LYPD6: variants seen among roughly 807,000 people sequenced by gnomAD.
LYPD6 encodes the protein LY6/PLAUR domain containing 6.
LYPD6 carries 15 observed loss-of-function variants against 22.7 expected under a neutral mutation model. The observed-to-expected ratio is 0.66, with a 90% CI of 0.44 to 1.02. LYPD6 has a LOEUF of 1.02. Ranked by LOEUF, LYPD6 falls within the 50% of genes least tolerant of loss-of-function variation. The pLI is 0.00. For missense variants in LYPD6, 189 were observed against 208.4 expected (o/e 0.91, Z 0.57); for synonymous variants, 72 against 77.5 (o/e 0.93, Z 0.37).
At chr2:149,408,049 A>T (rs1412936907) in intron 1 of LYPD6, among the ~76,000 whole-genome samples, 7 of 152,024 alleles carry the variant, frequency 4.6e-5, no homozygotes, top group Non-Finnish European at 7.4e-5. Flanking sequence ...AAAACCGCGG[A>T]TTTTCGTGAT....
At chr2:149,330,563 C>T (rs112631177), upstream of LYPD6, 640 of 150,886 alleles carry the variant, frequency 4.2e-3, 7 homozygotes, top group African/African-American at 0.014. Flanking sequence ...CCTAGCCGCC[C>T]CCCGCCTCTC....
chr2:149,475,929 CACAAGGGTG>C (rs1183521582), downstream of LYPD6, among the ~76,000 whole-genome samples: 1 of 152,156 alleles, frequency 6.6e-6, no homozygotes, highest in African/African-American at 2.4e-5. Context: ...ACACACATGT[CACAAGGGTG>C]ACATGCATAA....
At chr2:149,337,674 G>T (rs77902345) in intron 1 of LYPD6, among the ~76,000 whole-genome samples, 283 of 152,192 alleles carry the variant, frequency 1.9e-3, no homozygotes, top group African/African-American at 6.5e-3. Flanking sequence ...ACATACACAG[G>T]TTTGTTAGAT....
chr2:149,375,783 TGGAAGG>T (rs1681906936), intron 1 of LYPD6, among the ~76,000 whole-genome samples: 1 of 152,114 alleles, frequency 6.6e-6, no homozygotes, highest in South Asian at 2.1e-4. Context: ...GTTTGACAGG[TGGAAGG>T]GGGAATTCCA....
intron 1 of LYPD6, among the ~76,000 whole-genome samples, chr2:149,346,613 G>A (rs1412785484): frequency 1.3e-5 from 2 of 152,172 alleles, no homozygotes; most frequent in Non-Finnish European, 2.9e-5. Context: ...ATGTTTTATA[G>A]GTAACACTCT....
chr2:149,334,140 T>G (rs1368627699), intron 1 of LYPD6, among the ~76,000 whole-genome samples: 2 of 152,018 alleles, frequency 1.3e-5, no homozygotes, highest in Non-Finnish European at 2.9e-5. Flanking sequence ...AAAGCTTACC[T>G]GGATACATGT....
At chr2:149,376,748 G>A (rs899434104) in intron 1 of LYPD6, among the ~76,000 whole-genome samples, 1 of 152,100 alleles carries the variant, frequency 6.6e-6, no homozygotes, top group South Asian at 2.1e-4. Flanking sequence ...ATCCAGGGAC[G>A]CATGTAAAGC....
intron 3 of LYPD6, among the ~76,000 whole-genome samples, chr2:149,457,502 A>G (rs1680988811): frequency 6.6e-6 from 1 of 152,208 alleles, no homozygotes; most frequent in South Asian, 2.1e-4. Flanking sequence ...GTATAATACA[A>G]CAGTAGATCT....
chr2:149,421,214 C>T (rs1478472028), intron 1 of LYPD6, among the ~76,000 whole-genome samples: 1 of 151,886 alleles, frequency 6.6e-6, no homozygotes, highest in Non-Finnish European at 1.5e-5. Flanking sequence ...TGGCCAACAA[C>T]CCTGTCTCTA....
intron 1 of LYPD6, among the ~76,000 whole-genome samples, chr2:149,379,490 A>AT (rs1279144673): frequency 2.6e-5 from 4 of 152,236 alleles, no homozygotes; most frequent in Non-Finnish European, 5.9e-5. Context: ...TACAATTGAT[A>AT]TTTGGAAAAA....
intron 1 of LYPD6, among the ~76,000 whole-genome samples, chr2:149,363,920 T>C (rs942442124): frequency 6.6e-6 from 1 of 152,190 alleles, no homozygotes; most frequent in Non-Finnish European, 1.5e-5. Flanking sequence ...CTCATTCTTA[T>C]ATTTTGGGTT....
chr2:149,392,528 T>TCCC (rs1682335489), intron 1 of LYPD6, among the ~76,000 whole-genome samples: 1 of 152,134 alleles, frequency 6.6e-6, no homozygotes, highest in African/African-American at 2.4e-5. Flanking sequence ...GGGTAACCAG[T>TCCC]CCCCCTGAGG....
chr2:149,351,689 G>GT (rs1189838875), intron 1 of LYPD6, among the ~76,000 whole-genome samples: 1 of 152,160 alleles, frequency 6.6e-6, no homozygotes, highest in East Asian at 1.9e-4. Flanking sequence ...CAGGAAGGGG[G>GT]TTATTAAAGA....
intron 1 of LYPD6, among the ~76,000 whole-genome samples, chr2:149,381,523 G>C (rs1437134742): frequency 6.6e-6 from 1 of 152,136 alleles, no homozygotes; most frequent in Admixed American, 6.5e-5. Context: ...GATTGCTTCA[G>C]ATTTTTTAGT....
intron 1 of LYPD6, among the ~76,000 whole-genome samples, chr2:149,374,823 C>T (rs202109335): frequency 6.6e-6 from 1 of 152,108 alleles, no homozygotes; most frequent in East Asian, 1.9e-4. Context: ...CATATTTATG[C>T]AATATGATAT....
chr2:149,334,756 ATTTTTTT>A (rs34573058), intron 1 of LYPD6, among the ~76,000 whole-genome samples: 1 of 143,444 alleles, frequency 7.0e-6, no homozygotes, highest in Non-Finnish European at 1.5e-5. Flanking sequence ...GCAAGTAACG[ATTTTTTT>A]TTTTTTTTTC....
intron 2 of LYPD6, among the ~76,000 whole-genome samples, chr2:149,442,080 A>G (rs1252792796): frequency 6.6e-6 from 1 of 152,232 alleles, no homozygotes; most frequent in Non-Finnish European, 1.5e-5. Flanking sequence ...GCATATTAAA[A>G]TTATACTTAA....
intron 1 of LYPD6, among the ~76,000 whole-genome samples, chr2:149,393,155 T>C (rs1682351699): frequency 6.6e-6 from 1 of 152,236 alleles, no homozygotes. Flanking sequence ...GAAGTTACAA[T>C]GACTCAGTGA....
rs753087089 is a variant in LYPD6, at chr2:149,437,449, T to C, written c.-71-189T>C. On this transcript the variant is annotated intron_variant, in intron 1 of 4. Transcript: ENST00000334166. The stretch of plus-strand genomic sequence containing the variant: ...TACCAGTGGAGCCTTAGCAACCTGA[T>C]TAAGACTAGATCTGGGCTGGAATGT... Among the ~76,000 whole-genome samples, 117 of 152,144 alleles carry C rather than the reference T, an allele frequency of 7.7e-4. 1 individual carries two copies. The highest frequency in any genetic ancestry group is 1.5e-3 in the Non-Finnish European group (103 of 68,028).
Sources: allele counts gnomAD v4.1 joint callset (sites outside exome capture counted in the v4.1 genomes callset), GRCh38; gene constraint gnomAD v4.1.1; transcripts MANE v1.5; gene names NCBI Gene and HGNC (gene_info 2026-07-23, HGNC 2026-07-21).